The following ASAH1 variants were observed in gnomAD, a reference collection of about 807,000 sequenced individuals.
The protein encoded by ASAH1 is acid ceramidase.
Under a neutral mutation model 59.5 loss-of-function variants are expected in ASAH1, and 70 were observed. That is an observed-to-expected ratio of 1.18 (90% CI 0.97 to 1.43). ASAH1 has a LOEUF of 1.43. Among genes scored for constraint, ASAH1 ranks in the 40% most tolerant of loss-of-function variants. The pLI is 0.00. For synonymous variants in ASAH1, 213 were observed against 166.5 expected, an observed-to-expected ratio of 1.28 and a Z score of -2.15; for missense variants, 660 against 482.5, an observed-to-expected ratio of 1.37 and a Z score of -3.45.
chr8:18,070,411 G>T (rs993672695), intron 3 of ASAH1, among the ~76,000 whole-genome samples: 3 of 152,094 alleles, frequency 2.0e-5, no homozygotes, highest in Admixed American at 2.0e-4. Context: ...GCCTCCCAAA[G>T]TGCTGGGATT....
intron 4 of ASAH1, 173 bp downstream of exon 4, chr8:18,069,619 C>T (rs958505705): frequency 5.3e-6 from 3 of 571,242 alleles, no homozygotes; most frequent in Admixed American, 3.0e-5. Context: ...TATGCTGTAA[C>T]CCTAATATTA....
intron 1 of ASAH1, among the ~76,000 whole-genome samples, chr8:18,080,947 TTCTC>T (rs902294740): frequency 1.8e-4 from 27 of 152,292 alleles, no homozygotes; most frequent in Admixed American, 4.6e-4. Context: ...TTTCTTCTCT[TTCTC>T]TATCCTATTT....
chr8:18,073,572 C>A (rs1370168665), intron 2 of ASAH1, among the ~76,000 whole-genome samples: 1 of 152,196 alleles, frequency 6.6e-6, no homozygotes, highest in Non-Finnish European at 1.5e-5. Context: ...CTGAATGGGA[C>A]TCAGATGGAC....
chr8:18,074,199 C>G (rs1328415769), intron 2 of ASAH1, among the ~76,000 whole-genome samples: 2 of 152,124 alleles, frequency 1.3e-5, no homozygotes, highest in Non-Finnish European at 1.5e-5. Context: ...CATAATCAAT[C>G]AGTAAGGCAG....
intron 3 of ASAH1, among the ~76,000 whole-genome samples, 176 bp downstream of exon 3, chr8:18,071,124 T>C (rs1358333831): frequency 6.6e-6 from 1 of 151,470 alleles, no homozygotes; most frequent in Non-Finnish European, 1.5e-5. Flanking sequence ...GGGAAATTGC[T>C]AGAACCCAGG....
chr8:18,064,031 G>A (rs550177604), intron 6 of ASAH1: 1 of 261,786 alleles, frequency 3.8e-6, no homozygotes, highest in Non-Finnish European at 7.3e-6. Flanking sequence ...ATACGGGAAA[G>A]TGAGGCTGGT....
chr8:18,065,872 C>T (rs56368760), intron 5 of ASAH1: 67 of 141,874 alleles, frequency 4.7e-4, no homozygotes, highest in African/African-American at 1.7e-3. Context: ...ATTGTATATA[C>T]AGATACACAT....
Position 18,084,015 on chromosome 8 carries a change from G to T in ASAH1, c.44C>A (p.Ala15Asp), listed in dbSNP as rs747556024. 6.3e-7 allele frequency: 1 copy of T among 1,598,444 alleles called. No homozygotes were observed. The highest frequency in any genetic ancestry group is 1.1e-5 in the South Asian group (1 of 91,080). The change falls in exon 1 of 14, where the codon GCC becomes GAC. Residue 15 changes from alanine (A) to aspartate (D), a missense_variant. By Grantham distance (126) the Ala-to-Asp change is moderately radical (BLOSUM62 -2). Transcript: ENST00000637790. Reference protein sequence around the residue: ...SCVALVLLAAAVSCAVAQHAP... With the variant: ...SCVALVLLAADVSCAVAQHAP... ...GTGCTGCGCGACGGCACAGCTGACG[G>T]CGGCAGCCAGGAGGACTAAGGCGAC...
chr8:18,058,798 C>T (rs745748620), intron 13 of ASAH1, 37 bp downstream of exon 13: 20 of 1,560,558 alleles, frequency 1.3e-5, no homozygotes, highest in African/African-American at 2.7e-5. Context: ...CAAATTCTTT[C>T]CCTAAAAGGC....
Position 18,084,036 on chromosome 8 carries a change from G to A in ASAH1, c.23C>T (p.Ala8Val), listed in dbSNP as rs1022499156. ...GACGGCGGCAGCCAGGAGGACTAAGGCGACGCAACTCCGGCCCGGCATCGC... is the reference window on the plus strand; with the variant it reads ...GACGGCGGCAGCCAGGAGGACTAAGACGACGCAACTCCGGCCCGGCATCGC... MPGRSCV[A>V]LVLLAAAVSC... is the part of the protein sequence containing the mutation. Residue 8 changes from alanine (A) to valine (V), a missense_variant, in exon 1 of 14, where the codon GCC becomes GTC. By Grantham distance (64) the Ala-to-Val change is moderately conservative. Coordinates refer to ENST00000637790, the MANE Select transcript of ASAH1 (RefSeq NM_177924.5). 11 of 1,598,790 alleles carry A rather than the reference G, an allele frequency of 6.9e-6. No individual in the cohort carries two copies. The highest frequency in any genetic ancestry group is 9.3e-6 in the Non-Finnish European group (11 of 1,179,668).
upstream of ASAH1, chr8:18,084,584 C>T (rs779153221): frequency 1.1e-3 from 1,665 of 1,576,254 alleles, 5 homozygotes; most frequent in Non-Finnish European, 1.3e-3. Context: ...TATTCATCCC[C>T]ACCGCGGAGT....
In ASAH1 at chr8:18,056,249, T is replaced by G. The variant is rs1319385474; in HGVS notation, c.*1285A>C. 1 of 152,204 alleles carries G rather than the reference T, an allele frequency of 6.6e-6. No individual in the cohort carries two copies. The highest frequency in any genetic ancestry group is 1.9e-4 in the East Asian group (1 of 5,202). The allele number at this position is 152,204 out of a possible 1,614,324, so 9.4% of individuals were successfully genotyped here. On this transcript the variant is annotated 3_prime_UTR_variant, in exon 14 of 14. Coordinates refer to ENST00000637790, the MANE Select transcript of ASAH1 (RefSeq NM_177924.5). ...TGCCTTTAAACACCTGCAAATTGGG[T>G]TGATAGTATCTGGTTAAGAGGTGGT...
Position 18,059,385 on chromosome 8 carries a change from G to C in ASAH1, c.997C>G (p.Arg333Gly), listed in dbSNP as rs543697946. 2.0e-5 allele frequency: 33 copies of C among 1,614,174 alleles called. No homozygotes were observed. In the South Asian group the frequency reaches 3.4e-4, roughly 17 times the overall value. ...RWKHPFFLDD[R>G]RTPAKMCLNR... is the part of the protein sequence containing the mutation. ...AGACACATCTTTGCAGGCGTTCTGC[G>C]ATCATCAAGGAAGAAGGGATGTTTC... The change falls in exon 12 of 14, where the codon CGC becomes GGC. Residue 333 changes from arginine (R) to glycine (G), a missense_variant. Arg to Gly is a moderately radical substitution (Grantham distance 125). Transcript: ENST00000637790.
chr8:18,059,706 A>G lies in ASAH1; in HGVS notation c.786-3T>C, dbSNP rs1224227864. ...ATAAATTCTTGGCTTCTTCATAACT[A>G]TATAGAAACATTTAAAAAGAAAAAT... is the stretch of plus-strand genomic sequence containing the variant. On this transcript the variant is annotated splice_polypyrimidine_tract_variant and splice_region_variant and intron_variant, in intron 10 of 13. Transcript: ENST00000637790. 1.9e-6 allele frequency: 3 copies of G among 1,605,758 alleles called. No homozygotes were observed. The highest frequency in any genetic ancestry group is 3.4e-5 in the Admixed American group (2 of 58,706).
chr8:18,065,168 G>A (rs995984601), intron 5 of ASAH1: 6 of 151,356 alleles, frequency 4.0e-5, no homozygotes, highest in Non-Finnish European at 8.8e-5. Context: ...CTAATTTGGT[G>A]AAATTCTAGT....
chr8:18,073,844 T>C (rs1800278284), intron 2 of ASAH1, among the ~76,000 whole-genome samples: 1 of 152,176 alleles, frequency 6.6e-6, no homozygotes, highest in Admixed American at 6.5e-5. Context: ...AAGCCGAGGC[T>C]TTTTGTGTAG....
chr8:18,062,649 G>A (rs1799754774), intron 7 of ASAH1: 1 of 556,750 alleles, frequency 1.8e-6, no homozygotes, highest in Non-Finnish European at 3.2e-6. Context: ...TATAAATAGT[G>A]AGCCTCAGAT....
rs145697612 is a variant in ASAH1, at chr8:18,071,180, C to G, written c.216+120G>C. 5,311 of 454,118 alleles carry G rather than the reference C, an allele frequency of 0.012. 186 individuals are homozygous for G. The highest frequency in any genetic ancestry group is 0.079 in the African/African-American group (3,764 of 47,500). 28.1% of individuals were successfully genotyped at this position (454,118 alleles called of 1,614,324 possible). A position where few individuals can be genotyped will look rare whatever the true frequency, so the allele number is the denominator to read the frequency against. ...TGAGATCGTGCCACTGCATTCCAGCCTGGGTGACAGAGTGAGACTCTGTCT... is the reference window on the plus strand; with the variant it reads ...TGAGATCGTGCCACTGCATTCCAGCGTGGGTGACAGAGTGAGACTCTGTCT... On this transcript the variant is annotated intron_variant, in intron 3 of 13. Transcript: ENST00000637790.
chr8:18,064,155 T>A, intron 6 of ASAH1: 1 of 529,224 alleles, frequency 1.9e-6, no homozygotes, highest in Non-Finnish European at 3.3e-6. Context: ...TGCGAGCACT[T>A]CCATCAAAGC....
Sources: allele counts gnomAD v4.1 joint callset (sites outside exome capture counted in the v4.1 genomes callset), GRCh38; gene constraint gnomAD v4.1.1; transcripts MANE v1.5; gene names NCBI Gene and HGNC (gene_info 2026-07-23, HGNC 2026-07-21).